HIVEP3: variants seen among roughly 807,000 people sequenced by gnomAD.
The protein encoded by HIVEP3 is HIVEP zinc finger 3, also known as transcription factor HIVEP3.
A neutral mutation model predicts 152.8 loss-of-function variants in HIVEP3; 49 were observed. The observed-to-expected ratio is 0.32, with a 90% CI of 0.26 to 0.41. The LOEUF (loss-of-function observed/expected upper bound fraction) is 0.41. HIVEP3 is among the 10% of genes least tolerant of loss of function. The probability of loss-of-function intolerance (pLI) is 1.00; values close to 1 mark genes in which losing one functional copy is unlikely to be tolerated. For missense variants in HIVEP3, 2,790 were observed against 3,103.3 expected (o/e 0.90, Z 2.40); for synonymous variants, 1,269 against 1,289.0 (o/e 0.98, Z 0.33).
chr1:42,010,713 A>G (rs1289833180), intron 1 of HIVEP3, among the ~76,000 whole-genome samples: 1 of 152,162 alleles, frequency 6.6e-6, no homozygotes, highest in African/African-American at 2.4e-5. Flanking sequence ...GCTGTCCCTT[A>G]GAAAATCATT....
chr1:41,745,694 A>C (rs994952735), intron 1 of HIVEP3, among the ~76,000 whole-genome samples: 3 of 152,190 alleles, frequency 2.0e-5, no homozygotes, highest in Non-Finnish European at 2.9e-5. Flanking sequence ...GATGTCTCTG[A>C]GGACCCCAGT....
At chr1:42,029,481 T>C (rs1437329571) in intron 1 of HIVEP3, among the ~76,000 whole-genome samples, 1 of 152,198 alleles carries the variant, frequency 6.6e-6, no homozygotes, top group African/African-American at 2.4e-5. Context: ...GGAATAATGA[T>C]TATTATTAAC....
chr1:41,606,326 C>T (rs1467043347), intron 3 of HIVEP3, among the ~76,000 whole-genome samples: 1 of 151,984 alleles, frequency 6.6e-6, no homozygotes, highest in Non-Finnish European at 1.5e-5. Context: ...AATTTGTCCA[C>T]ATTCTCTACT....
chr1:41,549,060 T>C (rs935266803), intron 5 of HIVEP3, among the ~76,000 whole-genome samples: 1 of 150,774 alleles, frequency 6.6e-6, no homozygotes, highest in African/African-American at 2.4e-5. Flanking sequence ...GGGTGTGATG[T>C]TCCCCATCCT....
intron 2 of HIVEP3, among the ~76,000 whole-genome samples, chr1:41,641,758 G>A (rs1306247048): frequency 6.6e-6 from 1 of 152,188 alleles, no homozygotes; most frequent in Non-Finnish European, 1.5e-5. Context: ...GCAGCTCTGG[G>A]TCAACCCTCA....
chr1:41,791,677 G>C (rs1402889223), intron 1 of HIVEP3, among the ~76,000 whole-genome samples: 1 of 152,184 alleles, frequency 6.6e-6, no homozygotes, highest in Non-Finnish European at 1.5e-5. Flanking sequence ...TTTTATGAGA[G>C]AGGAAGATAA....
At chr1:41,562,747 G>T (rs891172385) in intron 5 of HIVEP3, among the ~76,000 whole-genome samples, 1 of 152,090 alleles carries the variant, frequency 6.6e-6, no homozygotes, top group African/African-American at 2.4e-5. Flanking sequence ...GGAAAGAGAT[G>T]AATGACTGGA....
At position 41,583,957 on chromosome 1, in the gene HIVEP3, T is replaced by C; in HGVS notation, c.841A>G (p.Ser281Gly). 6.2e-7 allele frequency: 1 copy of C among 1,614,138 alleles called. No homozygotes were observed. The highest frequency in any genetic ancestry group is 8.5e-7 in the Non-Finnish European group (1 of 1,180,014). ...EEFEEPTEGESTDSEEETSAT... is the reference protein window; with the variant it reads ...EEFEEPTEGEGTDSEEETSAT... Reference sequence around the variant, plus strand: ...CTAGTCTCCTCTTCAGAATCTGTGCTTTCTCCCTCAGTGGGCTCCTCAAAC... The same window carrying C: ...CTAGTCTCCTCTTCAGAATCTGTGCCTTCTCCCTCAGTGGGCTCCTCAAAC... Residue 281 changes from serine to glycine, a missense_variant, in exon 4 of 9, where the codon AGC becomes GGC. Transcript: ENST00000372583. The surrounding 1 kb of genome is among the most constrained non-coding windows in gnomAD (Gnocchi z 6.9).
chr1:41,740,791 C>A (rs1332295054), intron 1 of HIVEP3, among the ~76,000 whole-genome samples: 1 of 152,216 alleles, frequency 6.6e-6, no homozygotes, highest in African/African-American at 2.4e-5. Flanking sequence ...TGGGTACCAG[C>A]CCTGGCTCTA....
chr1:41,674,341 G>T (rs891365729), intron 2 of HIVEP3, among the ~76,000 whole-genome samples: 1 of 152,222 alleles, frequency 6.6e-6, no homozygotes, highest in Non-Finnish European at 1.5e-5. Context: ...GTGGACACAA[G>T]GGATGGCCTT....
chr1:41,555,634 C>A (rs1314615130), intron 5 of HIVEP3, among the ~76,000 whole-genome samples: 1 of 152,226 alleles, frequency 6.6e-6, no homozygotes, highest in African/African-American at 2.4e-5. Context: ...CTTGGAACTG[C>A]CCTGAACCAT....
rs192877961 is a variant in HIVEP3 at position 41,855,394 on chromosome 1, T to C, written c.-801+63019A>G. Among the ~76,000 whole-genome samples the C allele has an allele frequency of 2.3e-3, 355 of 152,128 alleles. 1 individual carries two copies. The highest frequency in any genetic ancestry group is 8.3e-3 in the African/African-American group (343 of 41,446). ...AGAGCTTCTGCACAGCAAAAGAAAC[T>C]ACCATCAGAGTGAACAGGCAACCTA... On this transcript the variant is annotated intron_variant, in intron 1 of 8. Transcript: ENST00000372583.
At position 41,513,673 on chromosome 1, in the gene HIVEP3, G is replaced by A. The variant is rs368705509; in HGVS notation, c.5548C>T (p.Leu1850=). Residue 1850 remains leucine, a synonymous_variant, in exon 8 of 9, where the codon CTG becomes TTG. Coordinates refer to ENST00000372583, the MANE Select transcript of HIVEP3 (RefSeq NM_024503.5). ...TCTGAGTCTGAGTCCGAGTCCTCCAGGTCCGAAAACTGGTGCTCCTCCACA... is the reference window on the plus strand; with the variant it reads ...TCTGAGTCTGAGTCCGAGTCCTCCAAGTCCGAAAACTGGTGCTCCTCCACA... ...EAVEEHQFSD[L]EDSDSDSDLD... The A allele has an allele frequency of 6.2e-7, 1 of 1,612,658 alleles. No homozygotes were observed. Among genetic ancestry groups the A allele is most frequent in the African/African-American group, 1.3e-5 (1 of 74,892 alleles).
intron 2 of HIVEP3, among the ~76,000 whole-genome samples, chr1:41,699,389 T>A (rs921072727): frequency 3.3e-5 from 5 of 152,172 alleles, no homozygotes; most frequent in Admixed American, 6.5e-5. Context: ...GTGTTCTGAG[T>A]TCTACCAACG....
intron 1 of HIVEP3, among the ~76,000 whole-genome samples, chr1:42,000,722 C>T (rs1278795378): frequency 1.3e-5 from 2 of 152,142 alleles, no homozygotes; most frequent in Non-Finnish European, 2.9e-5. Context: ...CAAATCAGCA[C>T]CCAAAAACCC....
In HIVEP3 at chr1:41,580,568, C is replaced by G. The variant is rs1402931630; in HGVS notation, c.4230G>C (p.Leu1410=). The change falls in exon 4 of 9, where the codon CTG becomes CTC. Residue 1410 remains leucine (L), a synonymous_variant. Transcript: ENST00000372583. ...VTLPERKGTS[L]SSESILSLEG... ...CCAGGCTCAAGATACTCTCTGATGA[C>G]AGGGAAGTGCCTTTTCTTTCAGGTA... The G allele has an allele frequency of 6.2e-7, 1 of 1,614,238 alleles. No individual in the cohort carries two copies. The highest frequency in any genetic ancestry group is 1.1e-5 in the South Asian group (1 of 91,088).
chr1:41,686,332 C>T (rs1031381667), intron 2 of HIVEP3, among the ~76,000 whole-genome samples: 4 of 152,124 alleles, frequency 2.6e-5, no homozygotes, highest in African/African-American at 7.2e-5. Context: ...CCTTGGCCTC[C>T]CAAAGTGCTG....
intron 1 of HIVEP3, among the ~76,000 whole-genome samples, chr1:42,005,389 C>T (rs1438194814): frequency 1.3e-5 from 2 of 151,924 alleles, no homozygotes; most frequent in Admixed American, 6.6e-5. Context: ...ATGACACACA[C>T]ATGTGTATAT....
intron 1 of HIVEP3, among the ~76,000 whole-genome samples, chr1:41,810,813 T>C (rs1358088608): frequency 1.3e-5 from 2 of 152,274 alleles, no homozygotes; most frequent in Non-Finnish European, 2.9e-5. Flanking sequence ...AGTAGTTTTC[T>C]AACTTTTCAC....
Sources: allele counts gnomAD v4.1 joint callset (sites outside exome capture counted in the v4.1 genomes callset), GRCh38; gene constraint gnomAD v4.1.1; non-coding constraint Gnocchi (gnomAD v3.1); transcripts MANE v1.5; gene names NCBI Gene and HGNC (gene_info 2026-07-23, HGNC 2026-07-21).